The following ICE1 variants were observed in gnomAD, a reference collection of about 807,000 sequenced individuals.
The protein encoded by ICE1 is little elongation complex subunit 1.
Under a neutral mutation model 192.7 loss-of-function variants are expected in ICE1, and 64 were observed. The observed-to-expected ratio is 0.33, with a 90% CI of 0.27 to 0.41. The LOEUF (loss-of-function observed/expected upper bound fraction) is 0.41, where lower values mean the gene tolerates loss of function less well. ICE1 is among the 10% of genes least tolerant of loss of function. The pLI is 1.00. For missense variants in ICE1, 2,708 were observed against 2,696.0 expected (o/e 1.00, Z -0.10); for synonymous variants, 1,010 against 984.5 (o/e 1.03, Z -0.49).
intron 15 of ICE1, among the ~76,000 whole-genome samples, chr5:5,472,936 C>T (rs944722501): frequency 9.2e-5 from 14 of 152,160 alleles, no homozygotes; most frequent in Non-Finnish European, 1.8e-4. Context: ...TTTACATCCT[C>T]ACAAAGGCTT....
intron 10 of ICE1, among the ~76,000 whole-genome samples, chr5:5,452,834 A>G (rs564724239): frequency 1.3e-5 from 2 of 152,302 alleles, no homozygotes; most frequent in East Asian, 3.9e-4. Flanking sequence ...ATAAATAAAT[A>G]TGTAAGTCCT....
chr5:5,466,243 A>C (rs946675144), intron 13 of ICE1, 91 bp from the exon 14 acceptor site: 8 of 1,163,536 alleles, frequency 6.9e-6, no homozygotes, highest in Non-Finnish European at 8.2e-6. Context: ...TTTTCAATAG[A>C]TACTTAAGTT....
intron 5 of ICE1, among the ~76,000 whole-genome samples, chr5:5,442,945 A>T (rs1433999998): frequency 6.6e-6 from 1 of 152,214 alleles, no homozygotes; most frequent in Non-Finnish European, 1.5e-5. Context: ...ATTGCAATAA[A>T]ATTAGTATAT....
rs367815774 is a variant in ICE1, at chr5:5,473,566, G to A, written c.6231G>A (p.Pro2077=). 118 of 1,608,588 alleles carry A rather than the reference G, an allele frequency of 7.3e-5. No homozygotes were observed. Among genetic ancestry groups the A allele is most frequent in the African/African-American group, 9.4e-5 (7 of 74,684 alleles). ...TTCTTTTCATTTGCTAGAATGCCCC[G>A]GTAGATGTTGGCTTCATGGTTTCTA... ...RAFLNWEKNA[P]VDVGFMVSKL... is the part of the protein sequence containing the mutation. Residue 2077 remains proline (P), a synonymous_variant, in exon 16 of 19, where the codon CCG becomes CCA. Transcript: ENST00000296564.
chr5:5,457,592 G>A lies in ICE1; in HGVS notation c.952G>A (p.Glu318Lys). ...AAGTCATCGTGACGGTGGTAGTACTGAATTTGTTGATCATGATCATTTTTT... is the reference window on the plus strand; with the variant it reads ...AAGTCATCGTGACGGTGGTAGTACTAAATTTGTTGATCATGATCATTTTTT... ...VQSHRDGGSTEFVDHDHFFDE... is the reference protein window; with the variant it reads ...VQSHRDGGSTKFVDHDHFFDE... Residue 318 changes from glutamate to lysine, a missense_variant, in exon 12 of 19, where the codon GAA (glutamate) becomes AAA (lysine). By Grantham distance (56) the Glu-to-Lys change is moderately conservative. Transcript: ENST00000296564. 6.2e-7 allele frequency: 1 copy of A among 1,613,956 alleles called. No homozygotes were observed. The highest frequency in any genetic ancestry group is 8.5e-7 in the Non-Finnish European group (1 of 1,179,884).
chr5:5,456,276 G>T (rs559918227), intron 11 of ICE1, among the ~76,000 whole-genome samples: 1 of 152,076 alleles, frequency 6.6e-6, no homozygotes, highest in Non-Finnish European at 1.5e-5. Flanking sequence ...CTTTAACATT[G>T]TGCAAATATT....
Position 5,454,584 on chromosome 5 carries a change from C to T in ICE1, c.637C>T (p.Leu213Phe). 6.2e-7 allele frequency: 1 copy of T among 1,613,538 alleles called. No homozygotes were observed. Among genetic ancestry groups the T allele is most frequent in the South Asian group, 1.1e-5 (1 of 90,996 alleles). ...KVKLLLKELW[L>F]CVNTTHRLPG... ...GAAACTGCTTCTGAAGGAACTCTGG[C>T]TCTGTGTAAACACAACACACAGACT... is the stretch of plus-strand genomic sequence containing the variant. The change falls in exon 11 of 19, where the codon CTC (leucine) becomes TTC (phenylalanine). Residue 213 changes from leucine to phenylalanine, a missense_variant. By Grantham distance (22) the Leu-to-Phe change is conservative (BLOSUM62 0). Transcript: ENST00000296564.
chr5:5,467,215 A>T (rs1309674173), intron 14 of ICE1, among the ~76,000 whole-genome samples: 2 of 152,176 alleles, frequency 1.3e-5, no homozygotes, highest in African/African-American at 4.8e-5. Context: ...TTACTCTCTC[A>T]GTCATTCATT....
In ICE1 at chr5:5,464,070, A is replaced by G. The variant is rs974851141; in HGVS notation, c.4736A>G (p.His1579Arg). 1.2e-6 allele frequency: 2 copies of G among 1,613,724 alleles called. No homozygotes were observed. Among genetic ancestry groups the G allele is most frequent in the Non-Finnish European group, 1.7e-6 (2 of 1,179,896 alleles). Residue 1579 changes from histidine (H) to arginine (R), a missense_variant, in exon 13 of 19, where the codon CAT (histidine) becomes CGT (arginine). By Grantham distance (29) the His-to-Arg change is conservative. Coordinates refer to ENST00000296564, the MANE Select transcript of ICE1 (RefSeq NM_015325.3). The surrounding 1 kb of genome is among the most constrained non-coding windows in gnomAD (Gnocchi z 4.0). Reference protein sequence around the residue: ...KTSASSRVETHQSEVAQSFSG... With the variant: ...KTSASSRVETRQSEVAQSFSG... Reference sequence around the variant, plus strand: ...TCAGCGTCGAGCAGAGTTGAAACTCATCAGAGTGAAGTTGCTCAGTCATTT... The same window carrying G: ...TCAGCGTCGAGCAGAGTTGAAACTCGTCAGAGTGAAGTTGCTCAGTCATTT...
At chr5:5,431,322 C>A (rs1040993225) in intron 1 of ICE1, among the ~76,000 whole-genome samples, 2 of 152,132 alleles carry the variant, frequency 1.3e-5, no homozygotes, top group Non-Finnish European at 2.9e-5. Context: ...CAAGTCTCTG[C>A]CAGTTTGGTA....
At chr5:5,444,906 G>T (rs1579548929) in intron 7 of ICE1, among the ~76,000 whole-genome samples, 1 of 152,244 alleles carries the variant, frequency 6.6e-6, no homozygotes, top group Non-Finnish European at 1.5e-5. Context: ...AACCTTTCAG[G>T]AACTGGTAGG....
intron 6 of ICE1, 109 bp downstream of exon 6, chr5:5,443,353 A>T: frequency 1.7e-6 from 1 of 594,592 alleles, no homozygotes; most frequent in Non-Finnish European, 2.8e-6. Flanking sequence ...TCTTGGCCAT[A>T]ATTAGCTGCA....
intron 1 of ICE1, among the ~76,000 whole-genome samples, chr5:5,426,393 C>T (rs142044263): frequency 2.8e-4 from 42 of 148,686 alleles, no homozygotes; most frequent in African/African-American, 9.8e-4. Flanking sequence ...TGCAGTGAGC[C>T]GAGATGGTGC....
At chr5:5,445,764 G>A (rs562400186) in intron 7 of ICE1, among the ~76,000 whole-genome samples, 191 of 150,362 alleles carry the variant, frequency 1.3e-3, no homozygotes, top group African/African-American at 2.7e-3. Flanking sequence ...AGGAAGTCTC[G>A]CTCTGTCGCC....
Position 5,446,429 on chromosome 5 carries a change from A to G in ICE1, c.425-998A>G, listed in dbSNP as rs186759302. Among the ~76,000 whole-genome samples the G allele has an allele frequency of 2.4e-3, 365 of 152,036 alleles. 4 individuals carry two copies. Among genetic ancestry groups the G allele is most frequent in the African/African-American group, 8.3e-3 (344 of 41,434 alleles). On this transcript the variant is annotated intron_variant, in intron 7 of 18. Coordinates refer to ENST00000296564, the MANE Select transcript of ICE1 (RefSeq NM_015325.3). ...TCCACCTCCTGAGTAGCTGGGAACT[A>G]CAGGTGTGCACCACGACACCCGACT...
rs779955617 is a variant in ICE1, at chr5:5,422,935, A to G, written c.20A>G (p.His7Arg). 3.5e-6 allele frequency: 5 copies of G among 1,444,364 alleles called. No individual in the cohort carries two copies. The South Asian group carries it at 6.7e-5, about 19-fold the overall frequency. 89.5% of individuals were successfully genotyped at this position (1,444,364 alleles called of 1,614,324 possible). ...GGCACCATGATGCCGGGCGAGACCC[A>G]TTCGGCGGCGCCCGGGACGGCGGCG... The part of the protein sequence containing the change: MMPGET[H>R]SAAPGTAADL... The change falls in exon 1 of 19, where the codon CAT (histidine) becomes CGT (arginine). Residue 7 changes from histidine to arginine, a missense_variant. By Grantham distance (29) the His-to-Arg change is conservative (BLOSUM62 0). Coordinates refer to ENST00000296564, the MANE Select transcript of ICE1 (RefSeq NM_015325.3).
In ICE1 at chr5:5,463,796, A is replaced by C. The variant is rs1230726291; in HGVS notation, c.4462A>C (p.Asn1488His). ...PAFQEAPCGN[N>H]LSCPQEDVSS... is the part of the protein sequence containing the mutation. The stretch of plus-strand genomic sequence containing the variant: ...ATTTCAGGAGGCTCCATGTGGCAAT[A>C]ATCTTTCATGTCCCCAAGAGGATGT... Residue 1488 changes from asparagine to histidine, a missense_variant, in exon 13 of 19, where the codon AAT (asparagine) becomes CAT (histidine). This residue lies in a region of ICE1 where 2,366 missense variants were observed against 2,276.6 expected (regional missense o/e 1.04). Transcript: ENST00000296564. The C allele has an allele frequency of 1.2e-6, 2 of 1,613,998 alleles. No individual in the cohort carries two copies. The highest frequency in any genetic ancestry group is 2.2e-5 in the South Asian group (2 of 91,070).
chr5:5,474,926 AGCT>A (rs1739267059), intron 16 of ICE1, among the ~76,000 whole-genome samples: 1 of 152,264 alleles, frequency 6.6e-6, no homozygotes, highest in Admixed American at 6.5e-5. Context: ...ATGAGATGAT[AGCT>A]ATATTAAAAC....
In ICE1 at chr5:5,463,710, C is replaced by A. The variant is rs550690239; in HGVS notation, c.4376C>A (p.Ala1459Asp). The A allele has an allele frequency of 1.9e-6, 3 of 1,613,878 alleles. No homozygotes were observed. The Admixed American group carries it at 5.0e-5, about 27-fold the overall frequency. Residue 1459 changes from alanine (A) to aspartate (D), a missense_variant, in exon 13 of 19, where the codon GCT (alanine) becomes GAT (aspartate). Ala to Asp is a moderately radical substitution (Grantham distance 126, BLOSUM62 -2). Transcript: ENST00000296564. ...TCTCAGGATCAAGGAGAGCTGGAAG[C>A]TGGTTGCATCCCAGTGACTTCTGCT... ...PISQDQGELE[A>D]GCIPVTSAEK...
Sources: allele counts gnomAD v4.1 joint callset (sites outside exome capture counted in the v4.1 genomes callset), GRCh38; gene constraint gnomAD v4.1.1; regional missense constraint gnomAD v4.1.1; non-coding constraint Gnocchi (gnomAD v3.1); transcripts MANE v1.5; gene names NCBI Gene and HGNC (gene_info 2026-07-23, HGNC 2026-07-21).